Variants in SLC44A5 observed in about 807,000 individuals in gnomAD.
SLC44A5 encodes the protein solute carrier family 44 member 5.
In SLC44A5, 57 loss-of-function variants were observed where a neutral mutation model predicts 101.8. That is an observed-to-expected ratio of 0.56 (90% CI 0.45 to 0.70). The LOEUF is 0.70. Ranked by LOEUF, SLC44A5 falls within the 30% of genes least tolerant of loss-of-function variation. The pLI is 0.00. For synonymous variants in SLC44A5, 281 were observed against 290.9 expected, an observed-to-expected ratio of 0.97 and a Z score of 0.35; for missense variants, 737 against 853.1, an observed-to-expected ratio of 0.86 and a Z score of 1.70.
At chr1:75,711,666 A>G in the SLC44A5 span, among the ~76,000 whole-genome samples, 1 of 152,222 alleles carries the variant, frequency 6.6e-6, no homozygotes, top group Non-Finnish European at 1.5e-5. Context: ...GTCAAGGACA[A>G]GGGTCATTTT....
upstream of SLC44A5, among the ~76,000 whole-genome samples, chr1:75,613,326 G>A (rs1279420571): frequency 6.6e-6 from 1 of 152,216 alleles, no homozygotes; most frequent in Non-Finnish European, 1.5e-5. Context: ...TCCCAGTTTA[G>A]TTGGTTGTAG....
At chr1:75,396,484 A>C in intron 3 of SLC44A5, 99 bp downstream of exon 3, 1 of 1,000,254 alleles carries the variant, frequency 1.0e-6, no homozygotes, top group African/African-American at 1.6e-5. Flanking sequence ...TACCAAACAA[A>C]TATTTCGCTA....
the SLC44A5 span, among the ~76,000 whole-genome samples, chr1:75,695,740 T>C: frequency 6.7e-6 from 1 of 148,326 alleles, no homozygotes; most frequent in East Asian, 1.9e-4. Flanking sequence ...ATATAAAATA[T>C]ATATTGTTTA....
chr1:75,263,931 G>C (rs978077086), intron 6 of SLC44A5, among the ~76,000 whole-genome samples: 1 of 152,038 alleles, frequency 6.6e-6, no homozygotes, highest in South Asian at 2.1e-4. Context: ...GTTGAACAAT[G>C]AGCACACATG....
chr1:75,396,348 A>C (rs1265325504), intron 3 of SLC44A5, among the ~76,000 whole-genome samples: 2 of 152,176 alleles, frequency 1.3e-5, no homozygotes, highest in African/African-American at 4.8e-5. Context: ...ATAAAGCATC[A>C]GTAGCTGCAT....
the SLC44A5 span, among the ~76,000 whole-genome samples, chr1:75,699,293 A>G: frequency 1.3e-5 from 2 of 152,302 alleles, no homozygotes; most frequent in East Asian, 1.9e-4. Context: ...CATCAGACTA[A>G]CAGCGGATCT....
chr1:75,650,340 C>T, the SLC44A5 span, among the ~76,000 whole-genome samples: 2 of 152,242 alleles, frequency 1.3e-5, no homozygotes, highest in South Asian at 4.1e-4. Flanking sequence ...TTATAAGTAA[C>T]TTTGTGCAAA....
chr1:75,280,182 T>A lies in SLC44A5; in HGVS notation c.176-5140A>T, dbSNP rs373678593. Among the ~76,000 whole-genome samples the A allele has an allele frequency of 2.2e-4, 8 of 36,038 alleles. 2 individuals are homozygous for A. The highest frequency in any genetic ancestry group is 3.4e-4 in the Non-Finnish European group (7 of 20,638). The allele number at this position is 36,038 out of a possible 152,430, so 23.6% of individuals were successfully genotyped here. On this transcript the variant is annotated intron_variant, in intron 5 of 23. Coordinates refer to ENST00000370859, the MANE Select transcript of SLC44A5 (RefSeq NM_001130058.2). ...TATATATTGTATATATAATATATAT[T>A]GTATATATTATATATTGTATATATA...
At chr1:75,714,589 T>G in the SLC44A5 span, among the ~76,000 whole-genome samples, 1 of 152,212 alleles carries the variant, frequency 6.6e-6, no homozygotes, top group African/African-American at 2.4e-5. Context: ...ACAATGTAAT[T>G]CTATACCTAT....
the SLC44A5 span, among the ~76,000 whole-genome samples, chr1:75,645,776 T>C: frequency 1.5e-5 from 2 of 136,244 alleles, no homozygotes; most frequent in African/African-American, 5.0e-5. Flanking sequence ...TTCTAACAAT[T>C]AAGTCTTTAA....
chr1:75,254,430 C>T (rs1649845599), intron 6 of SLC44A5, among the ~76,000 whole-genome samples: 1 of 152,106 alleles, frequency 6.6e-6, no homozygotes, highest in African/African-American at 2.4e-5. Context: ...CATAATTTAA[C>T]TTAAATTATA....
the SLC44A5 span, among the ~76,000 whole-genome samples, chr1:75,633,158 G>T: frequency 1.3e-5 from 2 of 152,156 alleles, 1 homozygote; most frequent in South Asian, 4.2e-4. Context: ...TACTTAAAAT[G>T]CAAGCTCTTT....
chr1:75,649,390 G>A, the SLC44A5 span, among the ~76,000 whole-genome samples: 7 of 152,156 alleles, frequency 4.6e-5, no homozygotes, highest in Non-Finnish European at 2.9e-5. Context: ...GGATTGGACA[G>A]TGATACAAGT....
At chr1:75,377,251 T>C (rs1241438534) in intron 3 of SLC44A5, among the ~76,000 whole-genome samples, 1 of 130,482 alleles carries the variant, frequency 7.7e-6, no homozygotes, top group Admixed American at 8.1e-5. Context: ...GTGTGCTGTG[T>C]CAACTCAGAG....
chr1:75,334,655 T>G (rs994436468), intron 4 of SLC44A5, among the ~76,000 whole-genome samples: 3 of 152,148 alleles, frequency 2.0e-5, no homozygotes, highest in African/African-American at 7.2e-5. Context: ...CTCATGAGTT[T>G]AGGCTCTAAA....
At chr1:75,446,311 ATC>A (rs1354923687) in intron 2 of SLC44A5, among the ~76,000 whole-genome samples, 9 of 151,934 alleles carry the variant, frequency 5.9e-5, no homozygotes, top group Non-Finnish European at 1.3e-4. Context: ...CCCTCACTCA[ATC>A]TACTTCAGCC....
Position 75,203,543 on chromosome 1 carries a change from C to A in SLC44A5, c.*184G>T. Reference sequence around the variant, plus strand: ...AAATGTTTTATGTTATTAACAATTCCCTTGCGACTTCTGATGGCTTCACAT... The same window carrying A: ...AAATGTTTTATGTTATTAACAATTCACTTGCGACTTCTGATGGCTTCACAT... On this transcript the variant is annotated 3_prime_UTR_variant, in exon 24 of 24. Transcript: ENST00000370859. 1 of 479,506 alleles carries A rather than the reference C, an allele frequency of 2.1e-6. No homozygotes were observed. Among genetic ancestry groups the A allele is most frequent in the Non-Finnish European group, 3.4e-6 (1 of 293,370 alleles). 29.7% of individuals were successfully genotyped at this position (479,506 alleles called of 1,614,324 possible).
chr1:75,618,251 A>C, the SLC44A5 span, among the ~76,000 whole-genome samples: 43 of 152,358 alleles, frequency 2.8e-4, no homozygotes, highest in African/African-American at 1.0e-3. Context: ...ATGCTTTTAC[A>C]CTGTTAGCAC....
chr1:75,488,106 A>T (rs958028090), intron 2 of SLC44A5, among the ~76,000 whole-genome samples: 10 of 152,216 alleles, frequency 6.6e-5, no homozygotes, highest in African/African-American at 2.4e-4. Context: ...GTCTGGTTGC[A>T]GGAAAATAAG....
Sources: allele counts gnomAD v4.1 joint callset (sites outside exome capture counted in the v4.1 genomes callset), GRCh38; gene constraint gnomAD v4.1.1; transcripts MANE v1.5; gene names NCBI Gene and HGNC (gene_info 2026-07-23, HGNC 2026-07-21).